The following BCAS3 variants were observed in gnomAD, a reference collection of about 807,000 sequenced individuals.
BCAS3 encodes the protein BCAS3 microtubule associated cell migration factor, also known as BCAS4/BCAS3 fusion.
In BCAS3, 53 loss-of-function variants were observed where a neutral mutation model predicts 116.1. The observed-to-expected ratio is 0.46, with a 90% CI of 0.37 to 0.57. The LOEUF is 0.57. Among genes scored for constraint, BCAS3 ranks in the 20% least tolerant of loss-of-function variants. The pLI is 0.00. For synonymous variants in BCAS3, 391 were observed against 408.2 expected (o/e 0.96, Z 0.51); for missense variants, 917 against 1,165.4 (o/e 0.79, Z 3.10).
chr17:61,138,352 A>G (rs1022025993), intron 22 of BCAS3, among the ~76,000 whole-genome samples: 1 of 152,244 alleles, frequency 6.6e-6, no homozygotes, highest in Non-Finnish European at 1.5e-5. Context: ...TAGGTGCCAG[A>G]GACGGCAGAT....
In BCAS3 at chr17:61,258,772, A is replaced by G. The variant is rs1043754540; in HGVS notation, c.2426-109555A>G. Among the ~76,000 whole-genome samples the G allele has an allele frequency of 6.6e-6, 1 of 152,258 alleles. No homozygotes were observed. Among genetic ancestry groups the G allele is most frequent in the South Asian group, 2.1e-4 (1 of 4,836 alleles). On this transcript the variant is annotated intron_variant, in intron 22 of 23. Transcript: ENST00000407086. The surrounding 1 kb of genome is among the most constrained non-coding windows in gnomAD (Gnocchi z 4.7). ...CTGTAGTTGATTTGGGAAGCCAGGC[A>G]TCACTCTGTGGAAGAACCACAGAAC... is the stretch of plus-strand genomic sequence containing the variant.
chr17:60,892,825 G>A (rs939585728), intron 10 of BCAS3, among the ~76,000 whole-genome samples: 1 of 152,054 alleles, frequency 6.6e-6, no homozygotes, highest in Non-Finnish European at 1.5e-5. Flanking sequence ...GGGAGGCTGA[G>A]GCAGGAGAAT....
chr17:60,767,543 C>T (rs535996204), intron 6 of BCAS3, among the ~76,000 whole-genome samples: 32 of 151,914 alleles, frequency 2.1e-4, no homozygotes, highest in African/African-American at 6.8e-4. Flanking sequence ...AATGGGGTTT[C>T]ACCATGCTGG....
At chr17:61,373,808 G>GTTTTTT (rs1169897447) in intron 23 of BCAS3, among the ~76,000 whole-genome samples, 1 of 101,236 alleles carries the variant, frequency 9.9e-6, no homozygotes, top group African/African-American at 4.5e-5. Context: ...CTTCTTCTTT[G>GTTTTTT]TTTTTTTTTT....
At chr17:60,842,306 T>C (rs757395486) in intron 7 of BCAS3, among the ~76,000 whole-genome samples, 1 of 152,154 alleles carries the variant, frequency 6.6e-6, no homozygotes, top group Non-Finnish European at 1.5e-5. Flanking sequence ...ATTTCAGCTT[T>C]ATGTTTTTTT....
intron 22 of BCAS3, among the ~76,000 whole-genome samples, chr17:61,216,732 C>T (rs560057227): frequency 1.3e-5 from 2 of 150,886 alleles, no homozygotes; most frequent in South Asian, 2.1e-4. Flanking sequence ...TTAGTAGAGA[C>T]GGGGTTTCAC....
chr17:61,236,495 T>A (rs1283331891), intron 22 of BCAS3, among the ~76,000 whole-genome samples: 2 of 152,104 alleles, frequency 1.3e-5, no homozygotes, highest in Non-Finnish European at 2.9e-5. Context: ...AATTTTTTTG[T>A]ATTTTTAGTA....
chr17:61,001,023 T>A (rs1012018919), intron 15 of BCAS3, among the ~76,000 whole-genome samples: 1 of 152,164 alleles, frequency 6.6e-6, no homozygotes, highest in Non-Finnish European at 1.5e-5. Flanking sequence ...GCAATTTCCA[T>A]TGAGTTAACA....
intron 5 of BCAS3, among the ~76,000 whole-genome samples, chr17:60,712,392 A>G (rs1490192202): frequency 6.6e-6 from 1 of 151,964 alleles, no homozygotes; most frequent in Non-Finnish European, 1.5e-5. Context: ...GAAAAAAAAA[A>G]AAGACAATCT....
rs183366238 is a variant in BCAS3, at chr17:61,316,697, A to T, written c.2426-51630A>T. On this transcript the variant is annotated intron_variant, in intron 22 of 23. Coordinates refer to ENST00000407086, the MANE Select transcript of BCAS3 (RefSeq NM_017679.5). This position sits in a 1 kb window ranked among gnomAD's most constrained non-coding sequence, Gnocchi z 5.8. The stretch of plus-strand genomic sequence containing the variant: ...AAATAAAAGGAAAAGAAGAGGTATG[A>T]ATTCTTTGGAAAAGAAATCCATGCC... Among the ~76,000 whole-genome samples, 1 of 152,336 alleles carries T rather than the reference A, an allele frequency of 6.6e-6. No homozygotes were observed. The highest frequency in any genetic ancestry group is 6.5e-5 in the Admixed American group (1 of 15,294).
intron 4 of BCAS3, among the ~76,000 whole-genome samples, chr17:60,704,221 A>G (rs976519974): frequency 4.6e-5 from 7 of 152,182 alleles, no homozygotes; most frequent in African/African-American, 1.4e-4. Context: ...TTTAATGCTG[A>G]GAGAAGTGCC....
intron 3 of BCAS3, among the ~76,000 whole-genome samples, chr17:60,688,362 C>T (rs1387694026): frequency 6.6e-6 from 1 of 151,944 alleles, no homozygotes; most frequent in East Asian, 1.9e-4. Flanking sequence ...TACAGTGGCA[C>T]TATCATGGCT....
intron 7 of BCAS3, among the ~76,000 whole-genome samples, chr17:60,830,152 C>A (rs774251001): frequency 6.6e-6 from 1 of 152,088 alleles, no homozygotes; most frequent in African/African-American, 2.4e-5. Flanking sequence ...CCACCACGCC[C>A]GGCTAATTTT....
intron 10 of BCAS3, among the ~76,000 whole-genome samples, chr17:60,892,159 A>G (rs1177545409): frequency 6.6e-6 from 1 of 152,214 alleles, no homozygotes; most frequent in Non-Finnish European, 1.5e-5. Flanking sequence ...TCCTTTGGAT[A>G]TATACCCAGT....
In BCAS3 at chr17:60,733,686, A is replaced by T. The variant is rs537808445; in HGVS notation, c.322-13512A>T. 8.5e-5 allele frequency among the ~76,000 whole-genome samples: 13 copies of T among 152,120 alleles called. No homozygotes were observed. In the South Asian group the frequency reaches 1.0e-3, roughly 12 times the overall value. On this transcript the variant is annotated intron_variant, in intron 5 of 23. Coordinates refer to ENST00000407086, the MANE Select transcript of BCAS3 (RefSeq NM_017679.5). ...GTGAGACCCCAGTCTCTACAAAAAAATTTTTAAAAAGTTAGCTGGGCATGG... is the reference window on the plus strand; with the variant it reads ...GTGAGACCCCAGTCTCTACAAAAAATTTTTTAAAAAGTTAGCTGGGCATGG...
chr17:60,745,260 AAT>A (rs1361334785), intron 5 of BCAS3, among the ~76,000 whole-genome samples: 3 of 151,820 alleles, frequency 2.0e-5, no homozygotes, highest in Non-Finnish European at 2.9e-5. Flanking sequence ...ATTATTTTAA[AAT>A]ATATTTTTTA....
At position 61,088,766 on chromosome 17, in the gene BCAS3, A is replaced by C. The variant is rs1347035341; in HGVS notation, c.2425+4202A>C. The stretch of plus-strand genomic sequence containing the variant: ...TGGAGATGGATGTTTACTAACAAAG[A>C]ACTCAGATAATTGAGATCGAAAGAC... On this transcript the variant is annotated intron_variant, in intron 22 of 23. Coordinates refer to ENST00000407086, the MANE Select transcript of BCAS3 (RefSeq NM_017679.5). This position sits in a 1 kb window ranked among gnomAD's most constrained non-coding sequence, Gnocchi z 4.2. Among the ~76,000 whole-genome samples the C allele has an allele frequency of 1.3e-5, 2 of 152,254 alleles. No homozygotes were observed. The highest frequency in any genetic ancestry group is 2.9e-5 in the Non-Finnish European group (2 of 68,044).
At chr17:60,991,983 G>C (rs2063552742) in intron 15 of BCAS3, among the ~76,000 whole-genome samples, 1 of 152,008 alleles carries the variant, frequency 6.6e-6, no homozygotes, top group Admixed American at 6.6e-5. Flanking sequence ...TTCCATTGTA[G>C]GAATGTAACG....
At chr17:61,334,677 A>C (rs202175269) in intron 22 of BCAS3, among the ~76,000 whole-genome samples, 22 of 141,934 alleles carry the variant, frequency 1.6e-4, no homozygotes, top group Admixed American at 3.5e-4. Flanking sequence ...AAAAAAAAAA[A>C]AAAAAAAAAA....
Sources: gnomAD v4.1 joint callset for allele counts (sites outside exome capture counted in the v4.1 genomes callset) on GRCh38, gnomAD v4.1.1 for gene constraint, Gnocchi (gnomAD v3.1) non-coding constraint, MANE v1.5 for transcripts, NCBI Gene and HGNC (gene_info 2026-07-23, HGNC 2026-07-21) for gene names.